The following OPCML variants were observed in gnomAD, a reference collection of about 807,000 sequenced individuals.
The protein encoded by OPCML is opioid-binding protein/cell adhesion molecule.
Under a neutral mutation model 37.8 loss-of-function variants are expected in OPCML, and 13 were observed. The observed-to-expected ratio is 0.34, with a 90% confidence interval of 0.22 to 0.55. The LOEUF is 0.55. OPCML is among the 20% of genes least tolerant of loss of function. OPCML has a pLI of 0.91. For synonymous variants in OPCML, 176 were observed against 168.8 expected, an observed-to-expected ratio of 1.04 and a Z score of -0.33; for missense variants, 341 against 435.6, an observed-to-expected ratio of 0.78 and a Z score of 1.93.
chr11:132,762,928 C>G (rs1228958113), intron 2 of OPCML, among the ~76,000 whole-genome samples: 1 of 152,152 alleles, frequency 6.6e-6, no homozygotes, highest in Admixed American at 6.5e-5. Flanking sequence ...CCTTGAAACC[C>G]AGGGCCCTGG....
At position 133,152,571 on chromosome 11, in the gene OPCML, C is replaced by CG. The variant is rs551214193; in HGVS notation, c.62-209562_62-209561insC. Among the ~76,000 whole-genome samples the CG allele has an allele frequency of 7.9e-3, 360 of 45,692 alleles. 2 individuals carry two copies. Among genetic ancestry groups the CG allele is most frequent in the African/African-American group, 0.068 (353 of 5,196 alleles). 30.0% of individuals were successfully genotyped at this position (45,692 alleles called of 152,430 possible). On this transcript the variant is annotated intron_variant, in intron 1 of 7. Transcript: ENST00000524381. ...CCAAGGTAACCCCTTCCCTCCTGAT[C>CG]CCCCCCCAACCTCCACAGACTGGTC...
intron 1 of OPCML, among the ~76,000 whole-genome samples, chr11:133,327,029 GGTGTGGGTGCGTGTATGTGT>G (rs1171054446): frequency 7.1e-6 from 1 of 140,366 alleles, no homozygotes; most frequent in African/African-American, 2.7e-5. Flanking sequence ...TGTGTATGTG[GGTGTGGGTGCGTGTATGTGT>G]GTGTGGGGTG....
At chr11:133,314,088 A>T (rs1943136523) in intron 1 of OPCML, among the ~76,000 whole-genome samples, 1 of 144,152 alleles carries the variant, frequency 6.9e-6, no homozygotes, top group African/African-American at 2.5e-5. Context: ...ACAAAAAATT[A>T]GCCGGGCGTA....
intron 7 of OPCML, among the ~76,000 whole-genome samples, chr11:132,431,896 C>A (rs1463830702): frequency 6.6e-6 from 1 of 152,058 alleles, no homozygotes; most frequent in Admixed American, 6.5e-5. Context: ...TAGGAGCATA[C>A]GGGTTGCAAA....
chr11:133,291,890 G>T (rs1247386167), intron 1 of OPCML, among the ~76,000 whole-genome samples: 2 of 152,214 alleles, frequency 1.3e-5, no homozygotes, highest in Non-Finnish European at 2.9e-5. Flanking sequence ...AGGGCCTGTG[G>T]CCGGCTTGTG....
chr11:133,409,007 T>C (rs1945587680), intron 1 of OPCML, among the ~76,000 whole-genome samples: 1 of 152,230 alleles, frequency 6.6e-6, no homozygotes, highest in Non-Finnish European at 1.5e-5. Context: ...CCAGACTTCC[T>C]GGGTGTCTCT....
chr11:132,442,197 A>G, intron 4 of OPCML, among the ~76,000 whole-genome samples: 1 of 152,176 alleles, frequency 6.6e-6, no homozygotes, highest in Non-Finnish European at 1.5e-5. Context: ...ATTTTTCTGT[A>G]TCTTAGGCTC....
chr11:133,443,240 A>G (rs925205729), intron 1 of OPCML, among the ~76,000 whole-genome samples: 3 of 152,202 alleles, frequency 2.0e-5, no homozygotes, highest in Non-Finnish European at 2.9e-5. Flanking sequence ...AAGAGCCCCA[A>G]CCAATCTTTT....
chr11:133,191,035 C>T (rs975050725), intron 1 of OPCML, among the ~76,000 whole-genome samples: 3 of 152,004 alleles, frequency 2.0e-5, no homozygotes, highest in African/African-American at 7.3e-5. Flanking sequence ...TTAGGGTAAC[C>T]ACACCCAAAC....
chr11:133,106,133 C>T (rs868266253), intron 1 of OPCML, among the ~76,000 whole-genome samples: 14 of 152,284 alleles, frequency 9.2e-5, no homozygotes, highest in Admixed American at 5.2e-4. Context: ...CCTCATTCCC[C>T]GTTCTAACAG....
chr11:132,798,433 T>G (rs1011864170), intron 2 of OPCML, among the ~76,000 whole-genome samples: 1 of 152,228 alleles, frequency 6.6e-6, no homozygotes, highest in African/African-American at 2.4e-5. Flanking sequence ...ATTCCCAGCA[T>G]CATCACCAGG....
At chr11:133,021,816 A>G (rs1392595808) in intron 1 of OPCML, among the ~76,000 whole-genome samples, 1 of 43,486 alleles carries the variant, frequency 2.3e-5, no homozygotes, top group East Asian at 9.7e-4. Flanking sequence ...CACACCCTCA[A>G]TCGTTGGCAT....
intron 1 of OPCML, among the ~76,000 whole-genome samples, chr11:133,199,886 A>G (rs1592096883): frequency 6.6e-6 from 1 of 152,242 alleles, no homozygotes; most frequent in Middle Eastern, 3.4e-3. Context: ...ACTTAGTAAA[A>G]CTCTAACAGC....
At chr11:132,543,420 G>A (rs1484539666) in intron 3 of OPCML, among the ~76,000 whole-genome samples, 1 of 152,072 alleles carries the variant, frequency 6.6e-6, no homozygotes, top group Non-Finnish European at 1.5e-5. Context: ...GACTGAGGCA[G>A]GAGAACTGCT....
At chr11:132,785,828 A>G (rs997148762) in intron 2 of OPCML, among the ~76,000 whole-genome samples, 4 of 152,166 alleles carry the variant, frequency 2.6e-5, no homozygotes, top group African/African-American at 2.4e-5. Flanking sequence ...ACAGAGGGAG[A>G]CCTCAGATCT....
intron 4 of OPCML, among the ~76,000 whole-genome samples, chr11:132,477,267 T>G (rs1429944205): frequency 6.6e-6 from 1 of 152,196 alleles, no homozygotes; most frequent in Non-Finnish European, 1.5e-5. Flanking sequence ...CTGCACATTC[T>G]TTTCCCCAGT....
At chr11:132,617,044 T>C (rs925539060) in intron 3 of OPCML, among the ~76,000 whole-genome samples, 2 of 152,358 alleles carry the variant, frequency 1.3e-5, no homozygotes, top group African/African-American at 4.8e-5. Context: ...TAGAAGTATA[T>C]GTTGCAGAAG....
Position 132,436,798 on chromosome 11 carries a change from C to T in OPCML, c.644-19G>A, listed in dbSNP as rs761648096. 4 of 1,613,028 alleles carry T rather than the reference C, an allele frequency of 2.5e-6. No individual in the cohort carries two copies. Among genetic ancestry groups the T allele is most frequent in the East Asian group, 4.5e-5 (2 of 44,846 alleles). On this transcript the variant is annotated intron_variant, in intron 5 of 7. Transcript: ENST00000524381. The stretch of plus-strand genomic sequence containing the variant: ...GGAGGATCTGTGGGAAACACACACA[C>T]ACACATGCACAGGCATGCACGCACG...
chr11:133,449,489 G>A (rs1296513258), intron 1 of OPCML, among the ~76,000 whole-genome samples: 1 of 152,216 alleles, frequency 6.6e-6, no homozygotes, highest in African/African-American at 2.4e-5. Context: ...AATCACCACA[G>A]ATTAGGAGGC....
Sources: allele counts gnomAD v4.1 joint callset (sites outside exome capture counted in the v4.1 genomes callset), GRCh38; gene constraint gnomAD v4.1.1; transcripts MANE v1.5; gene names NCBI Gene and HGNC (gene_info 2026-07-23, HGNC 2026-07-21).